The following IPO11 variants were observed in gnomAD, a reference collection of about 807,000 sequenced individuals.
IPO11 encodes the protein importin 11.
Under a neutral mutation model 143.2 loss-of-function variants are expected in IPO11, and 66 were observed. The observed-to-expected ratio is 0.46, with a 90% CI of 0.38 to 0.57. The LOEUF (loss-of-function observed/expected upper bound fraction) is 0.57. Among genes scored for constraint, IPO11 ranks in the 20% least tolerant of loss-of-function variants. The pLI is 0.00. For synonymous variants in IPO11, 385 were observed against 377.8 expected (o/e 1.02, Z -0.22); for missense variants, 1,026 against 1,141.0 (o/e 0.90, Z 1.45).
At chr5:62,431,362 C>T (rs553671559) in intron 1 of IPO11, among the ~76,000 whole-genome samples, 2 of 108,406 alleles carry the variant, frequency 1.8e-5, no homozygotes, top group African/African-American at 3.7e-5. Context: ...TCTAATTGTG[C>T]GCTTGCTTAG....
chr5:62,471,155 A>G (rs1380600724), intron 7 of IPO11, among the ~76,000 whole-genome samples: 2 of 148,716 alleles, frequency 1.3e-5, no homozygotes, highest in African/African-American at 2.5e-5. Flanking sequence ...TTTTTAAAAT[A>G]AATGAAATGG....
intron 20 of IPO11, among the ~76,000 whole-genome samples, chr5:62,521,062 G>T (rs1286263770): frequency 6.6e-6 from 1 of 152,224 alleles, no homozygotes; most frequent in African/African-American, 2.4e-5. Flanking sequence ...GGTGTGAGAT[G>T]GGAGATATGA....
rs1394651578 is a variant in IPO11 at position 62,561,225 on chromosome 5, G to C, written c.2550G>C (p.Leu850Phe). 6.2e-7 allele frequency: 1 copy of C among 1,608,652 alleles called. No homozygotes were observed. The highest frequency in any genetic ancestry group is 1.4e-5 in the African/African-American group (1 of 73,920). Residue 850 changes from leucine (L) to phenylalanine (F), a missense_variant, in exon 27 of 30, where the codon TTG (leucine) becomes TTC (phenylalanine). Leu to Phe is a conservative substitution (Grantham distance 22). Around this residue, in one of 5 missense-constraint regions of IPO11, gnomAD observed 351 missense variants for 358.9 expected, o/e 0.98. Transcript: ENST00000325324. Reference sequence around the variant, plus strand: ...CTGAAAGAAGAAAACTTTCAGCTTTGGCTTTGCTCTCTCTTCTGCCATCTG... The same window carrying C: ...CTGAAAGAAGAAAACTTTCAGCTTTCGCTTTGCTCTCTCTTCTGCCATCTG... ...TQPERRKLSA[L>F]ALLSLLPSDN...
chr5:62,493,992 G>T lies in IPO11; in HGVS notation c.1464-6G>T, dbSNP rs774057722. The stretch of plus-strand genomic sequence containing the variant: ...CATTTTAATTTCATGATTTTTTCCT[G>T]TTTAGGTATAAGCCATTGCGACGCA... On this transcript the variant is annotated splice_polypyrimidine_tract_variant and splice_region_variant and intron_variant, in intron 15 of 29. Transcript: ENST00000325324. 4.4e-6 allele frequency: 7 copies of T among 1,599,952 alleles called. No homozygotes were observed. In the South Asian group the frequency reaches 5.7e-5, roughly 13 times the overall value.
chr5:62,540,565 A>G (rs1191454888), intron 24 of IPO11, among the ~76,000 whole-genome samples: 5 of 152,202 alleles, frequency 3.3e-5, no homozygotes, highest in Non-Finnish European at 7.3e-5. Context: ...CTCTTACCAC[A>G]TTATTAGAGG....
chr5:62,435,110 G>GTATATATGTA (rs1561308794), intron 1 of IPO11, among the ~76,000 whole-genome samples: 2,128 of 65,118 alleles, frequency 0.033, 222 homozygotes, highest in African/African-American at 0.051. Context: ...GTATATATAT[G>GTATATATGTA]TATATATGTA....
At chr5:62,493,074 TGAGA>T (rs1740994446) in intron 15 of IPO11, among the ~76,000 whole-genome samples, 1 of 152,186 alleles carries the variant, frequency 6.6e-6, no homozygotes, top group African/African-American at 2.4e-5. Flanking sequence ...GCGAAGATGA[TGAGA>T]GAAAGAAAGA....
At chr5:62,522,948 G>A (rs543507058) in intron 20 of IPO11, among the ~76,000 whole-genome samples, 3 of 152,210 alleles carry the variant, frequency 2.0e-5, no homozygotes, top group Admixed American at 6.5e-5. Flanking sequence ...CCAATCCTCT[G>A]TCCCCTAAAT....
intron 5 of IPO11, among the ~76,000 whole-genome samples, chr5:62,460,707 G>GA (rs1271131160): frequency 6.6e-6 from 1 of 152,172 alleles, no homozygotes; most frequent in East Asian, 1.9e-4. Flanking sequence ...TTTAGAAATA[G>GA]AAAATGTTAA....
intron 26 of IPO11, among the ~76,000 whole-genome samples, chr5:62,559,580 G>A (rs1476990986): frequency 6.6e-6 from 1 of 151,964 alleles, no homozygotes; most frequent in Non-Finnish European, 1.5e-5. Context: ...ACTCTTTGTT[G>A]CTTTTGTTTT....
At chr5:62,529,360 T>C (rs538892410) in intron 21 of IPO11, among the ~76,000 whole-genome samples, 60 of 152,270 alleles carry the variant, frequency 3.9e-4, no homozygotes, top group African/African-American at 1.4e-3. Flanking sequence ...AAAGATCATA[T>C]CTTTCTCTTA....
chr5:62,531,879 A>G (rs1195186136), intron 22 of IPO11, among the ~76,000 whole-genome samples: 1 of 152,200 alleles, frequency 6.6e-6, no homozygotes, highest in Non-Finnish European at 1.5e-5. Flanking sequence ...TAGAGTCCCC[A>G]TAAAAGGAAA....
chr5:62,588,772 A>G (rs997340573), intron 27 of IPO11, among the ~76,000 whole-genome samples: 3 of 152,212 alleles, frequency 2.0e-5, no homozygotes, highest in African/African-American at 7.2e-5. Flanking sequence ...AAATATAGCA[A>G]CTAAAAATGA....
At chr5:62,457,603 T>C (rs1265198168) in intron 5 of IPO11, among the ~76,000 whole-genome samples, 1 of 152,188 alleles carries the variant, frequency 6.6e-6, no homozygotes, top group Admixed American at 6.5e-5. Flanking sequence ...GATGAATTAC[T>C]ATATTTTCTA....
At chr5:62,572,557 A>G (rs746494828) in intron 27 of IPO11, among the ~76,000 whole-genome samples, 260 of 49,602 alleles carry the variant, frequency 5.2e-3, no homozygotes, top group Middle Eastern at 0.024. Flanking sequence ...TTATTTATTT[A>G]TTTATTTATT....
intron 20 of IPO11, among the ~76,000 whole-genome samples, chr5:62,517,884 C>G (rs1022315971): frequency 1.3e-5 from 2 of 152,080 alleles, no homozygotes; most frequent in African/African-American, 4.8e-5. Context: ...GTATTTGTAC[C>G]GGCCAAGAGT....
chr5:62,611,492 A>G (rs941589355), intron 29 of IPO11, among the ~76,000 whole-genome samples: 1 of 152,214 alleles, frequency 6.6e-6, no homozygotes, highest in Non-Finnish European at 1.5e-5. Context: ...TTTGGAACTA[A>G]ATAAAGTGAT....
intron 16 of IPO11, among the ~76,000 whole-genome samples, chr5:62,504,178 G>A (rs1451250179): frequency 6.6e-6 from 1 of 152,140 alleles, no homozygotes; most frequent in African/African-American, 2.4e-5. Flanking sequence ...GTGGGATTTA[G>A]CAAATCTCAA....
intron 29 of IPO11, among the ~76,000 whole-genome samples, chr5:62,616,351 AG>A (rs1239340902): frequency 6.6e-6 from 1 of 152,180 alleles, no homozygotes; most frequent in East Asian, 1.9e-4. Context: ...TCTTGCCAAA[AG>A]TTTTCTACTC....
Sources: allele counts gnomAD v4.1 joint callset (sites outside exome capture counted in the v4.1 genomes callset), GRCh38; gene constraint gnomAD v4.1.1; regional missense constraint gnomAD v4.1.1; transcripts MANE v1.5; gene names NCBI Gene and HGNC (gene_info 2026-07-23, HGNC 2026-07-21).